Variants in CATSPERB observed in about 807,000 individuals in gnomAD.
CATSPERB encodes the protein catsper channel auxiliary subunit beta, also known as cation channel sperm-associated auxiliary subunit beta.
In CATSPERB, 93 loss-of-function variants were observed where a neutral mutation model predicts 128.3. The ratio of observed to expected loss-of-function variants is 0.72; its 90% CI spans 0.61 to 0.86. The LOEUF is 0.86. CATSPERB is among the 40% of genes least tolerant of loss of function. The pLI is 0.00. For synonymous variants in CATSPERB, 381 were observed against 448.8 expected (o/e 0.85, Z 1.91); for missense variants, 1,153 against 1,329.5 (o/e 0.87, Z 2.06).
At chr14:91,651,008 T>C (rs1232860380) in intron 15 of CATSPERB, among the ~76,000 whole-genome samples, 1 of 152,208 alleles carries the variant, frequency 6.6e-6, no homozygotes, top group Non-Finnish European at 1.5e-5. Context: ...TCTATTTTGG[T>C]TTTTATTTCA....
intron 22 of CATSPERB, chr14:91,605,425 C>T: frequency 2.0e-6 from 1 of 501,840 alleles, no homozygotes; most frequent in Non-Finnish European, 3.5e-6. Context: ...ATATGACCTC[C>T]AGAAGCGAAA....
intron 11 of CATSPERB, among the ~76,000 whole-genome samples, chr14:91,682,892 G>A (rs979751250): frequency 6.6e-6 from 1 of 152,092 alleles, no homozygotes; most frequent in Non-Finnish European, 1.5e-5. Flanking sequence ...AAAACTATAT[G>A]GCTGTAGATA....
chr14:91,731,851 C>T (rs1363231915), intron 1 of CATSPERB, 79 bp downstream of exon 1: 1 of 152,226 alleles, frequency 6.6e-6, no homozygotes, highest in East Asian at 1.9e-4. Context: ...ATAGTTACTC[C>T]ATTATTATGG....
At chr14:91,641,274 C>T (rs1264163485) in intron 15 of CATSPERB, among the ~76,000 whole-genome samples, 1 of 149,832 alleles carries the variant, frequency 6.7e-6, no homozygotes, top group Non-Finnish European at 1.5e-5. Context: ...CCTTTTGTTG[C>T]CATTGCTTTT....
chr14:91,694,035 T>A (rs898209543), intron 7 of CATSPERB, among the ~76,000 whole-genome samples: 5 of 152,202 alleles, frequency 3.3e-5, no homozygotes, highest in Admixed American at 3.3e-4. Flanking sequence ...CTAAATCCAC[T>A]TCCTTTGTGA....
intron 7 of CATSPERB, among the ~76,000 whole-genome samples, chr14:91,701,421 C>G (rs1895646707): frequency 6.6e-6 from 1 of 151,950 alleles, no homozygotes. Context: ...AGTTAAGGGA[C>G]CATTCAGAGA....
intron 4 of CATSPERB, among the ~76,000 whole-genome samples, chr14:91,722,692 G>A (rs1351020426): frequency 1.3e-5 from 2 of 152,000 alleles, no homozygotes; most frequent in East Asian, 1.9e-4. Context: ...AAAAAGAGGT[G>A]AAATAAAGAC....
At chr14:91,698,283 G>A (rs1216265767) in intron 7 of CATSPERB, among the ~76,000 whole-genome samples, 2 of 152,148 alleles carry the variant, frequency 1.3e-5, no homozygotes, top group Non-Finnish European at 2.9e-5. Flanking sequence ...TTTTGTTAGA[G>A]TCTTCAGGGG....
intron 7 of CATSPERB, among the ~76,000 whole-genome samples, chr14:91,695,092 C>T (rs1376951315): frequency 4.7e-5 from 7 of 148,900 alleles, no homozygotes; most frequent in Admixed American, 2.0e-4. Flanking sequence ...CTTTGCCTTT[C>T]TGAGAATTAA....
Position 91,621,907 on chromosome 14 carries a change from A to G in CATSPERB, c.1961T>C (p.Ile654Thr). The change falls in exon 19 of 27, where the codon ATA (isoleucine) becomes ACA (threonine). Residue 654 changes from isoleucine (I) to threonine (T), a missense_variant. Coordinates refer to ENST00000256343, the MANE Select transcript of CATSPERB (RefSeq NM_024764.4). ...CCCGGGAAGCACTACAGTCTTCTCT[A>G]TATCTGTATCTTCAAACAAGGCCTG... Reference protein sequence around the residue: ...VVQALFEDTDIEKTVVLPGYS... With the variant: ...VVQALFEDTDTEKTVVLPGYS... 1 of 1,606,792 alleles carries G rather than the reference A, an allele frequency of 6.2e-7. No homozygotes were observed. Among genetic ancestry groups the G allele is most frequent in the Non-Finnish European group, 8.5e-7 (1 of 1,176,306 alleles).
At chr14:91,660,075 G>A (rs1235415137) in intron 14 of CATSPERB, 94 bp from the exon 15 acceptor site, 2 of 1,028,432 alleles carry the variant, frequency 1.9e-6, no homozygotes, top group Non-Finnish European at 2.8e-6. Context: ...CATGTGGCAT[G>A]ATCTTTTCCA....
intron 13 of CATSPERB, among the ~76,000 whole-genome samples, chr14:91,671,888 G>A (rs1280427220): frequency 1.3e-5 from 2 of 151,746 alleles, no homozygotes; most frequent in Non-Finnish European, 2.9e-5. Flanking sequence ...GCATGGTGGC[G>A]GGCGCCTGTA....
Position 91,634,042 on chromosome 14 carries a change from G to T in CATSPERB, c.1742+2383C>A, listed in dbSNP as rs568658392. On this transcript the variant is annotated intron_variant, in intron 17 of 26. Transcript: ENST00000256343. Reference sequence around the variant, plus strand: ...AGGGATGCCAACCTCCTGTGCAGATGAAAATTCACATATTACTTTTAATTC... The same window carrying T: ...AGGGATGCCAACCTCCTGTGCAGATTAAAATTCACATATTACTTTTAATTC... Among the ~76,000 whole-genome samples the T allele has an allele frequency of 3.2e-3, 484 of 152,248 alleles. 1 individual carries two copies. Among genetic ancestry groups the T allele is most frequent in the South Asian group, 7.2e-3 (35 of 4,830 alleles).
chr14:91,667,544 G>A (rs968919800), intron 14 of CATSPERB, among the ~76,000 whole-genome samples: 2 of 152,052 alleles, frequency 1.3e-5, no homozygotes, highest in African/African-American at 4.8e-5. Context: ...CTTCTTATGT[G>A]GAACTTCAAC....
chr14:91,699,141 T>C (rs1047597184), intron 7 of CATSPERB, among the ~76,000 whole-genome samples: 1 of 152,210 alleles, frequency 6.6e-6, no homozygotes, highest in South Asian at 2.1e-4. Context: ...ATCTTTGCAA[T>C]TGTGAATTGT....
chr14:91,663,561 C>A (rs1473930912), intron 14 of CATSPERB, among the ~76,000 whole-genome samples: 1 of 144,894 alleles, frequency 6.9e-6, no homozygotes, highest in Non-Finnish European at 1.5e-5. Flanking sequence ...AGAAGAATGG[C>A]GTGAACCCGG....
intron 19 of CATSPERB, among the ~76,000 whole-genome samples, chr14:91,620,849 C>G (rs2139786838): frequency 6.6e-6 from 1 of 152,294 alleles, no homozygotes; most frequent in East Asian, 1.9e-4. Context: ...ACTGTGTTTT[C>G]TGTCCGTGTT....
chr14:91,600,687 G>T (rs1220449880), intron 22 of CATSPERB, among the ~76,000 whole-genome samples: 1 of 152,214 alleles, frequency 6.6e-6, no homozygotes, highest in East Asian at 1.9e-4. Context: ...CCAGAAAAAT[G>T]AGATTCATGC....
At chr14:91,710,776 A>G (rs1336261842) in intron 5 of CATSPERB, among the ~76,000 whole-genome samples, 1 of 152,150 alleles carries the variant, frequency 6.6e-6, no homozygotes, top group Non-Finnish European at 1.5e-5. Flanking sequence ...CCAGCTGGAT[A>G]TTTTCATGGA....
Sources: allele counts gnomAD v4.1 joint callset (sites outside exome capture counted in the v4.1 genomes callset), GRCh38; gene constraint gnomAD v4.1.1; transcripts MANE v1.5; gene names NCBI Gene and HGNC (gene_info 2026-07-23, HGNC 2026-07-21).